Variants in TEC observed in about 807,000 individuals in gnomAD.
TEC encodes tyrosine-protein kinase Tec.
Under a neutral mutation model 93.0 loss-of-function variants are expected in TEC, and 72 were observed. The observed-to-expected ratio is 0.77, with a 90% CI of 0.64 to 0.94. TEC has a LOEUF of 0.94. Among genes scored for constraint, TEC ranks in the 40% least tolerant of loss-of-function variants. TEC has a pLI of 0.00. For missense variants in TEC, 630 were observed against 757.9 expected (o/e 0.83, Z 1.98); for synonymous variants, 249 against 247.7 (o/e 1.01, Z -0.05).
chr4:48,159,620 A>G (rs955186174), intron 8 of TEC, among the ~76,000 whole-genome samples: 8 of 149,136 alleles, frequency 5.4e-5, no homozygotes, highest in Admixed American at 2.7e-4. Context: ...TAATGGCGCA[A>G]TCTTGGCAAC....
intron 2 of TEC, among the ~76,000 whole-genome samples, chr4:48,204,451 C>T (rs1169082198): frequency 6.6e-6 from 1 of 152,202 alleles, no homozygotes; most frequent in African/African-American, 2.4e-5. Flanking sequence ...GAAGCTTGCA[C>T]CTGGTTTCCT....
chr4:48,143,965 C>G (rs932602792), intron 14 of TEC, among the ~76,000 whole-genome samples: 2 of 152,192 alleles, frequency 1.3e-5, no homozygotes, highest in Admixed American at 1.3e-4. Context: ...GTGGCTCACA[C>G]CTGTAATCCT....
chr4:48,209,070 T>G (rs1428953326), intron 2 of TEC, among the ~76,000 whole-genome samples: 1 of 152,194 alleles, frequency 6.6e-6, no homozygotes, highest in Non-Finnish European at 1.5e-5. Context: ...GGTAGATATA[T>G]TCCTCCACCA....
intron 11 of TEC, among the ~76,000 whole-genome samples, chr4:48,148,358 T>C (rs1720006218): frequency 6.6e-6 from 1 of 152,176 alleles, no homozygotes; most frequent in African/African-American, 2.4e-5. Context: ...TTTTCATAAG[T>C]TGTGTGAAGC....
intron 14 of TEC, among the ~76,000 whole-genome samples, chr4:48,143,242 G>T (rs559421794): frequency 2.4e-4 from 37 of 152,338 alleles, no homozygotes; most frequent in Non-Finnish European, 4.4e-4. Flanking sequence ...AGCATCCAAA[G>T]TTTCCCATAA....
chr4:48,171,135 A>G (rs1721091151), intron 4 of TEC, among the ~76,000 whole-genome samples: 1 of 152,224 alleles, frequency 6.6e-6, no homozygotes, highest in Non-Finnish European at 1.5e-5. Context: ...ATTAAATGAG[A>G]GCGTGCTTTT....
intron 2 of TEC, among the ~76,000 whole-genome samples, chr4:48,197,799 G>A (rs554698845): frequency 5.9e-5 from 9 of 152,300 alleles, no homozygotes; most frequent in African/African-American, 1.9e-4. Context: ...ACCCTTGATA[G>A]TTCTAGTTCC....
intron 2 of TEC, among the ~76,000 whole-genome samples, chr4:48,207,841 C>G (rs1315886009): frequency 6.6e-6 from 1 of 152,062 alleles, no homozygotes; most frequent in Non-Finnish European, 1.5e-5. Flanking sequence ...ATCACAAGCT[C>G]TTAACTCCTT....
chr4:48,223,820 G>C (rs548670741), intron 2 of TEC, among the ~76,000 whole-genome samples: 1 of 152,204 alleles, frequency 6.6e-6, no homozygotes, highest in Non-Finnish European at 1.5e-5. Flanking sequence ...TCATGCTGAA[G>C]ACCTGCTTTC....
chr4:48,151,076 C>A, intron 9 of TEC, 134 bp from the exon 10 acceptor site: 1 of 565,086 alleles, frequency 1.8e-6, no homozygotes, highest in Non-Finnish European at 2.9e-6. Flanking sequence ...TGAAGAAGCA[C>A]AACTTACCAG....
At chr4:48,221,916 A>G (rs1283034835) in intron 2 of TEC, among the ~76,000 whole-genome samples, 4 of 152,194 alleles carry the variant, frequency 2.6e-5, no homozygotes, top group Admixed American at 6.5e-5. Flanking sequence ...TTATTATACT[A>G]CACTATCACA....
intron 1 of TEC, among the ~76,000 whole-genome samples, chr4:48,252,175 T>C (rs1195828408): frequency 6.6e-6 from 1 of 152,206 alleles, no homozygotes; most frequent in Non-Finnish European, 1.5e-5. Flanking sequence ...TAAAATAGGG[T>C]AATAATTATG....
intron 1 of TEC, among the ~76,000 whole-genome samples, chr4:48,238,642 T>A (rs1159865420): frequency 6.7e-6 from 1 of 149,850 alleles, no homozygotes; most frequent in African/African-American, 2.5e-5. Context: ...ATTGTCCATA[T>A]GCAGATATAT....
At chr4:48,210,356 C>T (rs147870486) in intron 2 of TEC, among the ~76,000 whole-genome samples, 14 of 151,988 alleles carry the variant, frequency 9.2e-5, no homozygotes, top group Admixed American at 1.3e-4. Flanking sequence ...AATAGTGGCA[C>T]GTGCCTGTCA....
At chr4:48,243,261 T>C (rs1163547953) in intron 1 of TEC, among the ~76,000 whole-genome samples, 1 of 152,168 alleles carries the variant, frequency 6.6e-6, no homozygotes, top group African/African-American at 2.4e-5. Context: ...AGAACCCTGA[T>C]TTTAGTGGAA....
chr4:48,145,515 T>G lies in TEC; in HGVS notation c.1146A>C (p.Gly382=). The G allele has an allele frequency of 6.2e-7, 1 of 1,614,074 alleles. No individual in the cohort carries two copies. The highest frequency in any genetic ancestry group is 8.5e-7 in the Non-Finnish European group (1 of 1,180,000). The change falls in exon 13 of 18, where the codon GGA becomes GGC. Residue 382 remains glycine, a synonymous_variant. Transcript: ENST00000381501. ...CTCGCCATTTGCCAAGCCTCACCACTCCAAACAGTCCACTTCCCAATTCCC... is the reference window on the plus strand; with the variant it reads ...CTCGCCATTTGCCAAGCCTCACCACGCCAAACAGTCCACTTCCCAATTCCC... ...FMRELGSGLF[G]VVRLGKWRAQ...
At chr4:48,263,617 C>T (rs141374593) in intron 1 of TEC, among the ~76,000 whole-genome samples, 3 of 151,868 alleles carry the variant, frequency 2.0e-5, no homozygotes, top group Non-Finnish European at 2.9e-5. Context: ...GGGAGGCTGA[C>T]GCAGGAGAAT....
At chr4:48,149,440 C>T in intron 11 of TEC, 117 bp downstream of exon 11, 1 of 1,056,244 alleles carries the variant, frequency 9.5e-7, no homozygotes, top group Non-Finnish European at 1.3e-6. Context: ...AATTTAAAAT[C>T]AACCACATTC....
At chr4:48,238,677 A>G (rs928891151) in intron 1 of TEC, among the ~76,000 whole-genome samples, 7 of 150,066 alleles carry the variant, frequency 4.7e-5, no homozygotes, top group African/African-American at 1.5e-4. Flanking sequence ...AATTTATGTA[A>G]ATTTATATAT....
Sources: allele counts gnomAD v4.1 joint callset (sites outside exome capture counted in the v4.1 genomes callset), GRCh38; gene constraint gnomAD v4.1.1; transcripts MANE v1.5; gene names NCBI Gene and HGNC (gene_info 2026-07-23, HGNC 2026-07-21).